Variants in IQGAP2 observed in about 807,000 individuals in gnomAD.
IQGAP2 encodes the protein IQ motif containing GTPase activating protein 2, also known as ras GTPase-activating-like protein IQGAP2.
In IQGAP2, 173 loss-of-function variants were observed where a neutral mutation model predicts 201.3. The ratio of observed to expected loss-of-function variants is 0.86; its 90% CI spans 0.76 to 0.98. The LOEUF (loss-of-function observed/expected upper bound fraction) is 0.98. Ranked by LOEUF, IQGAP2 falls within the 50% of genes least tolerant of loss-of-function variation. The pLI is 0.00. For missense variants in IQGAP2, 1,687 were observed against 1,864.8 expected, an observed-to-expected ratio of 0.90 and a Z score of 1.76; for synonymous variants, 675 against 673.9, an observed-to-expected ratio of 1.00 and a Z score of -0.03.
chr5:76,670,096 C>T (rs1744172265), intron 23 of IQGAP2, among the ~76,000 whole-genome samples: 2 of 152,128 alleles, frequency 1.3e-5, no homozygotes, highest in African/African-American at 4.8e-5. Context: ...TGAAGCTGTG[C>T]ATGCACGTGA....
intron 3 of IQGAP2, among the ~76,000 whole-genome samples, chr5:76,566,979 C>G (rs371771320): frequency 6.6e-6 from 1 of 151,938 alleles, no homozygotes; most frequent in African/African-American, 2.4e-5. Flanking sequence ...GACAGAAGGG[C>G]CTTCCTTGGA....
chr5:76,545,669 G>A (rs1400515981), intron 2 of IQGAP2, among the ~76,000 whole-genome samples: 1 of 152,058 alleles, frequency 6.6e-6, no homozygotes, highest in African/African-American at 2.4e-5. Context: ...ATTTTACTAG[G>A]TGTGAATCCA....
At chr5:76,663,664 T>C (rs1008525875) in intron 21 of IQGAP2, among the ~76,000 whole-genome samples, 2 of 152,060 alleles carry the variant, frequency 1.3e-5, no homozygotes, top group African/African-American at 4.8e-5. Context: ...ACTTCTGAGT[T>C]GCCAGTACCA....
At position 76,570,669 on chromosome 5, in the gene IQGAP2, C is replaced by T. The variant is rs372285513; in HGVS notation, c.381+12C>T. 4.1e-5 allele frequency: 65 copies of T among 1,590,256 alleles called. 1 individual carries two copies. The highest frequency in any genetic ancestry group is 1.1e-4 in the East Asian group (5 of 44,764). On this transcript the variant is annotated intron_variant, in intron 4 of 35. Transcript: ENST00000274364. ...TTGGTCTACCCAAGGTAAGCCTTCACGCACTGGAATCTGAACTAGAAAGGC... is the reference window on the plus strand; with the variant it reads ...TTGGTCTACCCAAGGTAAGCCTTCATGCACTGGAATCTGAACTAGAAAGGC...
In IQGAP2 at chr5:76,588,904, A is replaced by G. The variant is rs1159812783; in HGVS notation, c.459-2A>G. 1.3e-6 allele frequency: 2 copies of G among 1,578,440 alleles called. No homozygotes were observed. The highest frequency in any genetic ancestry group is 1.7e-6 in the Non-Finnish European group (2 of 1,157,514). On this transcript the variant is annotated splice_acceptor_variant, in intron 5 of 35. Coordinates refer to ENST00000274364, the MANE Select transcript of IQGAP2 (RefSeq NM_006633.5). LOFTEE classifies it high-confidence loss of function. ...TGATAATTTTGTGTTTTTTTCTTTC[A>G]GTTTGTATCTGTTCAAACTAGGAAT...
chr5:76,505,659 C>T (rs1416486874), intron 2 of IQGAP2, among the ~76,000 whole-genome samples: 2 of 152,160 alleles, frequency 1.3e-5, no homozygotes, highest in Admixed American at 6.5e-5. Context: ...GTCCACTTTC[C>T]ACTGCTTCCT....
chr5:76,583,874 AT>A (rs5868832), intron 5 of IQGAP2, among the ~76,000 whole-genome samples: 35,159 of 147,488 alleles, frequency 0.24, 4,507 homozygotes, highest in East Asian at 0.47. Context: ...GGTAGAGAAA[AT>A]TTTTTTTTTT....
intron 2 of IQGAP2, among the ~76,000 whole-genome samples, chr5:76,483,931 C>G (rs1755953925): frequency 6.6e-6 from 1 of 152,138 alleles, no homozygotes; most frequent in Non-Finnish European, 1.5e-5. Context: ...AATAGCTTTT[C>G]CTTCTTCCTG....
intron 30 of IQGAP2, among the ~76,000 whole-genome samples, chr5:76,686,340 T>TTTG (rs900661142): frequency 3.0e-4 from 42 of 140,088 alleles, no homozygotes; most frequent in Non-Finnish European, 4.1e-4. Flanking sequence ...ATCTGTTTTT[T>TTTG]TTGTTGTTGT....
At chr5:76,496,864 C>T (rs1757021586) in intron 2 of IQGAP2, among the ~76,000 whole-genome samples, 1 of 150,162 alleles carries the variant, frequency 6.7e-6, no homozygotes, top group South Asian at 2.1e-4. Context: ...GAGTCTTGCT[C>T]TGTTGCCCAG....
Position 76,649,623 on chromosome 5 carries a change from G to A in IQGAP2, c.2095-3127G>A, listed in dbSNP as rs374577534. 2.6e-4 allele frequency among the ~76,000 whole-genome samples: 40 copies of A among 152,316 alleles called. 1 individual carries two copies. Among genetic ancestry groups the A allele is most frequent in the South Asian group, 1.2e-3 (6 of 4,830 alleles). On this transcript the variant is annotated intron_variant, in intron 17 of 35. Coordinates refer to ENST00000274364, the MANE Select transcript of IQGAP2 (RefSeq NM_006633.5). ...TCTGTGGTTTCTCTCAAGGGATGGC[G>A]TTCAGTGTCTGTGGCTTTTCCAGGC...
chr5:76,665,683 T>C (rs548793971), intron 22 of IQGAP2, among the ~76,000 whole-genome samples: 1 of 152,382 alleles, frequency 6.6e-6, no homozygotes, highest in East Asian at 1.9e-4. Context: ...TTTTTTCTTG[T>C]ATTATTTTCA....
intron 15 of IQGAP2, among the ~76,000 whole-genome samples, chr5:76,636,434 C>T (rs925805232): frequency 1.1e-4 from 16 of 152,116 alleles, no homozygotes; most frequent in Non-Finnish European, 1.6e-4. Flanking sequence ...AAATTTTTTT[C>T]TCATTTCTTG....
At position 76,671,959 on chromosome 5, in the gene IQGAP2, T is replaced by C; in HGVS notation, c.3044T>C (p.Leu1015Pro). Residue 1015 changes from leucine to proline, a missense_variant, in exon 24 of 36, where the codon CTA becomes CCA. Transcript: ENST00000274364. ...GTGTACAAGGCTTGGGTGAACCAAC[T>C]AGAAACACAGACTGGAGAGGCCAGG... is the stretch of plus-strand genomic sequence containing the variant. ...VEVYKAWVNQLETQTGEASKL... is the reference protein window; with the variant it reads ...VEVYKAWVNQPETQTGEASKL... The C allele has an allele frequency of 6.2e-7, 1 of 1,613,670 alleles. No individual in the cohort carries two copies. Among genetic ancestry groups the C allele is most frequent in the Non-Finnish European group, 8.5e-7 (1 of 1,179,660 alleles).
intron 15 of IQGAP2, 90 bp downstream of exon 15, chr5:76,632,116 C>T (rs1580673644): frequency 9.7e-7 from 1 of 1,033,878 alleles, no homozygotes; most frequent in South Asian, 2.2e-5. Context: ...ACAAGTAATG[C>T]TTTCAAATTA....
chr5:76,551,800 G>A (rs556164701), intron 2 of IQGAP2, among the ~76,000 whole-genome samples: 3 of 151,480 alleles, frequency 2.0e-5, no homozygotes, highest in South Asian at 2.1e-4. Context: ...CCGAGATGGC[G>A]GCAGTACAGT....
chr5:76,520,295 C>T (rs529275722), intron 2 of IQGAP2, among the ~76,000 whole-genome samples: 2 of 152,280 alleles, frequency 1.3e-5, no homozygotes, highest in Admixed American at 1.3e-4. Context: ...ACTCCTTCTC[C>T]ATTGAATTGC....
chr5:76,618,590 G>T (rs776246450), intron 13 of IQGAP2: 25 of 1,613,924 alleles, frequency 1.5e-5, no homozygotes, highest in Admixed American at 6.7e-5. Flanking sequence ...CTCCACGAAA[G>T]GTCTTAATGG....
At chr5:76,599,424 C>T (rs1445114350) in intron 10 of IQGAP2, among the ~76,000 whole-genome samples, 1 of 152,170 alleles carries the variant, frequency 6.6e-6, no homozygotes, top group African/African-American at 2.4e-5. Flanking sequence ...CTGTGGCTGT[C>T]CAACCTCATT....
Sources: gnomAD v4.1 joint callset for allele counts (sites outside exome capture counted in the v4.1 genomes callset) on GRCh38, gnomAD v4.1.1 for gene constraint, MANE v1.5 for transcripts, NCBI Gene and HGNC (gene_info 2026-07-23, HGNC 2026-07-21) for gene names.